Variants in NFAM1 observed in about 807,000 individuals in gnomAD.
The protein encoded by NFAM1 is NFAT activating protein with ITAM motif 1, also known as NFAT activation molecule 1.
NFAM1 carries 17 observed loss-of-function variants against 29.0 expected under a neutral mutation model. The ratio of observed to expected loss-of-function variants is 0.59; its 90% confidence interval spans 0.40 to 0.88. NFAM1 has a LOEUF of 0.88. Ranked by LOEUF, NFAM1 falls within the 40% of genes least tolerant of loss-of-function variation. The pLI is 0.00. For synonymous variants in NFAM1, 175 were observed against 147.2 expected (o/e 1.19, Z -1.36); for missense variants, 324 against 344.6 (o/e 0.94, Z 0.47).
chr22:42,416,967 C>T (rs1341287015), intron 1 of NFAM1, among the ~76,000 whole-genome samples: 35 of 152,070 alleles, frequency 2.3e-4, no homozygotes. Flanking sequence ...GTGAGAGCCA[C>T]AGAATTCCAG....
chr22:42,419,668 C>T lies in NFAM1; in HGVS notation c.122-7932G>A, dbSNP rs540260361. On this transcript the variant is annotated intron_variant, in intron 1 of 5. Transcript: ENST00000329021. This position sits in a 1 kb window ranked among gnomAD's most constrained non-coding sequence, Gnocchi z 4.5. The stretch of plus-strand genomic sequence containing the variant: ...TAGACGTCAGCCTGCCACACTCCGG[C>T]GCCTTCGCCCGTGCTGTTCCGGCTG... Among the ~76,000 whole-genome samples, 6 of 152,306 alleles carry T rather than the reference C, an allele frequency of 3.9e-5. No individual in the cohort carries two copies. The highest frequency in any genetic ancestry group is 3.9e-4 in the East Asian group (2 of 5,182).
chr22:42,435,441 G>A (rs1488812795), upstream of NFAM1, among the ~76,000 whole-genome samples: 3 of 151,292 alleles, frequency 2.0e-5, no homozygotes, highest in African/African-American at 4.9e-5. Context: ...TCTGCCTCCC[G>A]GGTTCAAGTG....
At chr22:42,412,747 G>A (rs766233880) in intron 1 of NFAM1, among the ~76,000 whole-genome samples, 17 of 152,304 alleles carry the variant, frequency 1.1e-4, no homozygotes, top group Middle Eastern at 6.8e-3. Context: ...AACCTCTCCC[G>A]GACTCTGGGC....
At chr22:42,392,758 T>C (rs1929387041) in intron 4 of NFAM1, among the ~76,000 whole-genome samples, 1 of 152,170 alleles carries the variant, frequency 6.6e-6, no homozygotes, top group Admixed American at 6.5e-5. Flanking sequence ...CCCGAATTCA[T>C]GCTTTTAATA....
intron 3 of NFAM1, among the ~76,000 whole-genome samples, chr22:42,404,872 A>T (rs1929841906): frequency 6.6e-6 from 1 of 150,388 alleles, no homozygotes. Flanking sequence ...AAAAAAAAAA[A>T]GTGCTCTCCT....
chr22:42,428,252 C>G (rs11705036), intron 1 of NFAM1, among the ~76,000 whole-genome samples: 17,734 of 152,150 alleles, frequency 0.12, 1,342 homozygotes, highest in South Asian at 0.29. Flanking sequence ...TCTGTCCCCA[C>G]TCCGCGGGCA....
upstream of NFAM1, among the ~76,000 whole-genome samples, chr22:42,434,467 T>C (rs373254425): frequency 6.6e-6 from 1 of 152,124 alleles, no homozygotes; most frequent in Admixed American, 6.5e-5. Context: ...CCCAGCTCAT[T>C]GCCCAGTTTC....
chr22:42,420,726 C>T (rs900384093), intron 1 of NFAM1, among the ~76,000 whole-genome samples: 21 of 147,766 alleles, frequency 1.4e-4, no homozygotes, highest in African/African-American at 5.0e-4. Flanking sequence ...AGATCACGCA[C>T]GCCACTGCAC....
chr22:42,395,384 G>A (rs1470529178), intron 4 of NFAM1, among the ~76,000 whole-genome samples: 3 of 151,954 alleles, frequency 2.0e-5, no homozygotes, highest in African/African-American at 7.3e-5. Flanking sequence ...GCTGAGACAG[G>A]AGAATCGCTT....
At chr22:42,423,055 G>C (rs1162886157) in intron 1 of NFAM1, among the ~76,000 whole-genome samples, 1 of 138,772 alleles carries the variant, frequency 7.2e-6, no homozygotes, top group African/African-American at 2.8e-5. Flanking sequence ...AGAGATTGCA[G>C]TGAGCCAAGA....
chr22:42,394,161 G>A (rs1031897600), intron 4 of NFAM1, among the ~76,000 whole-genome samples: 5 of 151,964 alleles, frequency 3.3e-5, no homozygotes, highest in Non-Finnish European at 5.9e-5. Flanking sequence ...TCAGCCTCCC[G>A]AGTAGCTGGG....
At chr22:42,416,053 T>A (rs1930250804) in intron 1 of NFAM1, among the ~76,000 whole-genome samples, 1 of 151,796 alleles carries the variant, frequency 6.6e-6, no homozygotes, top group South Asian at 2.1e-4. Context: ...GACCCAGAAG[T>A]AGGAACCCAC....
chr22:42,387,703 C>A (rs1929199267), intron 4 of NFAM1, among the ~76,000 whole-genome samples: 1 of 152,130 alleles, frequency 6.6e-6, no homozygotes, highest in Admixed American at 6.5e-5. Flanking sequence ...CCCTCATCCC[C>A]CTTGCCTGTC....
chr22:42,430,824 G>T (rs1930773528), intron 1 of NFAM1, among the ~76,000 whole-genome samples: 1 of 152,120 alleles, frequency 6.6e-6, no homozygotes, highest in Non-Finnish European at 1.5e-5. Flanking sequence ...TTGGGGAGGA[G>T]GAACCACACA....
chr22:42,405,697 G>A (rs903566215), intron 3 of NFAM1, among the ~76,000 whole-genome samples: 20 of 152,162 alleles, frequency 1.3e-4, no homozygotes, highest in African/African-American at 4.1e-4. Flanking sequence ...GGGTCTTCTT[G>A]GCTCAGCTCA....
At chr22:42,405,612 G>A (rs114741413) in intron 3 of NFAM1, among the ~76,000 whole-genome samples, 2,275 of 152,294 alleles carry the variant, frequency 0.015, 57 homozygotes, top group African/African-American at 0.052. Flanking sequence ...GGGGAGGGAG[G>A]CAGCCTGAAG....
chr22:42,383,876 AG>A lies in NFAM1; in HGVS notation c.*1284del, dbSNP rs1170859058. The stretch of plus-strand genomic sequence containing the variant: ...GAGACATGGGGGAGCAGAGGGAGGA[AG>A]CAGAGCCCAACAGCCCGGGGCACCC... On this transcript the variant is annotated 3_prime_UTR_variant, in exon 6 of 6. Coordinates refer to ENST00000329021, the MANE Select transcript of NFAM1 (RefSeq NM_145912.8). The A allele has an allele frequency of 3.3e-5, 5 of 152,770 alleles. No homozygotes were observed. The highest frequency in any genetic ancestry group is 1.2e-4 in the African/African-American group (5 of 41,406). The allele number at this position is 152,770 out of a possible 1,614,324, so 9.5% of individuals were successfully genotyped here. A position where few individuals can be genotyped will look rare whatever the true frequency, so the allele number is the denominator to read the frequency against.
chr22:42,392,358 G>T (rs984975300), intron 4 of NFAM1, among the ~76,000 whole-genome samples: 5 of 152,136 alleles, frequency 3.3e-5, no homozygotes, highest in African/African-American at 1.2e-4. Context: ...CATCAAGGAA[G>T]GTGAGGACCG....
At chr22:42,417,566 GC>G (rs1170849804) in intron 1 of NFAM1, among the ~76,000 whole-genome samples, 1 of 152,198 alleles carries the variant, frequency 6.6e-6, no homozygotes, top group Non-Finnish European at 1.5e-5. Context: ...GGAGAGCGGG[GC>G]CTGGAGGTGG....
Sources: gnomAD v4.1 joint callset for allele counts (sites outside exome capture counted in the v4.1 genomes callset) on GRCh38, gnomAD v4.1.1 for gene constraint, Gnocchi (gnomAD v3.1) non-coding constraint, MANE v1.5 for transcripts, NCBI Gene and HGNC (gene_info 2026-07-23, HGNC 2026-07-21) for gene names.